Variants in CUX1 observed in about 807,000 individuals in gnomAD.
CUX1 encodes the protein cut like homeobox 1, also known as protein CASP.
In CUX1, 31 loss-of-function variants were observed where a neutral mutation model predicts 158.8. The observed-to-expected ratio is 0.20, with a 90% CI of 0.15 to 0.26. The LOEUF is 0.26. Ranked by LOEUF, CUX1 falls within the 10% of genes least tolerant of loss-of-function variation. CUX1 has a pLI of 1.00. For missense variants in CUX1, 1,589 were observed against 2,014.6 expected (o/e 0.79, Z 4.04); for synonymous variants, 879 against 862.1 (o/e 1.02, Z -0.34).
intron 14 of CUX1, among the ~76,000 whole-genome samples, chr7:102,269,572 A>AT (rs71123030): frequency 0.54 from 58,226 of 107,704 alleles, 15,309 homozygotes; most frequent in African/African-American, 0.69. Flanking sequence ...TGCCCGGCTA[A>AT]TTTTTTTTTT....
chr7:101,972,585 C>G (rs186265428), intron 2 of CUX1, among the ~76,000 whole-genome samples: 2 of 152,176 alleles, frequency 1.3e-5, no homozygotes, highest in Admixed American at 6.5e-5. Context: ...CCCTTTGCTC[C>G]TCCTTTTTGT....
intron 2 of CUX1, among the ~76,000 whole-genome samples, chr7:101,968,340 G>A (rs545764743): frequency 6.6e-6 from 1 of 152,262 alleles, no homozygotes; most frequent in East Asian, 1.9e-4. Flanking sequence ...TGGGTCCCCT[G>A]GACAACCCTC....
chr7:101,842,410 C>T (rs1177663813), intron 1 of CUX1, among the ~76,000 whole-genome samples: 1 of 152,168 alleles, frequency 6.6e-6, no homozygotes, highest in East Asian at 1.9e-4. Context: ...TTCTTTGAGA[C>T]AGAGTCTCGC....
intron 4 of CUX1, among the ~76,000 whole-genome samples, chr7:102,080,291 G>C (rs899374782): frequency 1.3e-5 from 2 of 152,180 alleles, no homozygotes; most frequent in African/African-American, 2.4e-5. Context: ...CCATGACCGG[G>C]GTGGTCCTGG....
At chr7:101,854,798 G>A (rs1390869227) in intron 1 of CUX1, among the ~76,000 whole-genome samples, 1 of 152,164 alleles carries the variant, frequency 6.6e-6, no homozygotes, top group African/African-American at 2.4e-5. Flanking sequence ...AGGCTGGAGT[G>A]CAGTGGCATC....
chr7:101,914,915 A>C (rs900038138), intron 1 of CUX1, among the ~76,000 whole-genome samples: 3 of 152,166 alleles, frequency 2.0e-5, no homozygotes, highest in African/African-American at 7.2e-5. Flanking sequence ...TTTGCTGGTT[A>C]ACTTCCGCCA....
In CUX1 at chr7:102,193,795, C is replaced by CT. The variant is rs1794517062; in HGVS notation, c.1077-46dup. 7 of 1,586,384 alleles carry CT rather than the reference C, an allele frequency of 4.4e-6. No homozygotes were observed. In the African/African-American group the frequency reaches 8.1e-5, roughly 18 times the overall value. On this transcript the variant is annotated intron_variant, in intron 12 of 23. Transcript: ENST00000292535. Reference sequence around the variant, plus strand: ...CTAGCCTGGGTGACAGAACGAGACTCTGTCTCAAAAAATAAATAAAATAAC... The same window carrying CT: ...CTAGCCTGGGTGACAGAACGAGACTCTTGTCTCAAAAAATAAATAAAATAAC...
chr7:101,979,062 T>C (rs1320730881), intron 2 of CUX1, among the ~76,000 whole-genome samples: 2 of 152,206 alleles, frequency 1.3e-5, no homozygotes, highest in African/African-American at 4.8e-5. Context: ...GTGCCTGCCC[T>C]ACCTTTAAAG....
chr7:102,005,028 C>T (rs963745051), intron 2 of CUX1, among the ~76,000 whole-genome samples: 10 of 152,224 alleles, frequency 6.6e-5, no homozygotes, highest in Admixed American at 6.5e-4. Context: ...AGCTTGCTGA[C>T]CCCTGGGAGA....
At chr7:102,091,746 A>G (rs1828603206) in intron 4 of CUX1, among the ~76,000 whole-genome samples, 1 of 152,078 alleles carries the variant, frequency 6.6e-6, no homozygotes, top group Non-Finnish European at 1.5e-5. Context: ...TTGAAGTACT[A>G]CAGTTTTGGT....
intron 1 of CUX1, among the ~76,000 whole-genome samples, chr7:101,836,684 CAAAAAAAAA>C (rs71755816): frequency 1.6e-3 from 122 of 77,832 alleles, no homozygotes; most frequent in African/African-American, 5.7e-3. Flanking sequence ...GACTCCTTCT[CAAAAAAAAA>C]AAAAAAAAAA....
At position 102,202,075 on chromosome 7, in the gene CUX1, G is replaced by A. The variant is rs573676893; in HGVS notation, c.2778G>A (p.Ser926=). Reference sequence around the variant, plus strand: ...CCATGTCCAAGCCCACCAAGCCCTCGGTCCCCCCGCTGACCCCCGAGCAGT... The same window carrying A: ...CCATGTCCAAGCCCACCAAGCCCTCAGTCCCCCCGCTGACCCCCGAGCAGT... ...IVPMSKPTKP[S]VPPLTPEQYE... is the part of the protein sequence containing the mutation. Residue 926 remains serine, a synonymous_variant, in exon 18 of 24, where the codon TCG becomes TCA. Transcript: ENST00000292535. The A allele has an allele frequency of 1.9e-5, 30 of 1,613,964 alleles. No individual in the cohort carries two copies. The highest frequency in any genetic ancestry group is 1.8e-4 in the South Asian group (16 of 91,064).
chr7:102,073,739 C>T (rs772786322), intron 4 of CUX1, among the ~76,000 whole-genome samples: 3 of 152,102 alleles, frequency 2.0e-5, no homozygotes, highest in Non-Finnish European at 4.4e-5. Context: ...TATTCATATT[C>T]TGCCTTTCTC....
chr7:101,862,812 G>A (rs1464914695), intron 1 of CUX1, among the ~76,000 whole-genome samples: 7 of 152,080 alleles, frequency 4.6e-5, no homozygotes, highest in African/African-American at 1.7e-4. Context: ...TTAGAGCTCA[G>A]AGAGGATAAA....
intron 6 of CUX1, among the ~76,000 whole-genome samples, chr7:102,108,771 T>TG (rs1554489271): frequency 6.6e-6 from 1 of 151,120 alleles, no homozygotes; most frequent in African/African-American, 2.4e-5. Context: ...TGTGTGTGTG[T>TG]TTTGAGACAA....
intron 9 of CUX1, among the ~76,000 whole-genome samples, chr7:102,162,467 C>G (rs942351539): frequency 1.3e-5 from 2 of 152,096 alleles, no homozygotes; most frequent in African/African-American, 2.4e-5. Context: ...CACAGCCTCC[C>G]GAGTAGCTGG....
At chr7:102,176,775 G>T (rs1301416580) in intron 10 of CUX1, among the ~76,000 whole-genome samples, 2 of 151,626 alleles carry the variant, frequency 1.3e-5, no homozygotes, top group African/African-American at 4.8e-5. Context: ...TTTTCGCCAT[G>T]TGGCCCAAGC....
At chr7:102,260,556 G>A (rs558145493), downstream of CUX1, among the ~76,000 whole-genome samples, 500 of 132,396 alleles carry the variant, frequency 3.8e-3, 1 homozygote, top group Non-Finnish European at 5.4e-3. Flanking sequence ...ATAGGTGCCC[G>A]CCACCACACC....
chr7:102,243,845 T>A (rs1352060465), intron 23 of CUX1, among the ~76,000 whole-genome samples: 1 of 151,600 alleles, frequency 6.6e-6, no homozygotes, highest in Non-Finnish European at 1.5e-5. Flanking sequence ...CTGGCCAACA[T>A]GGTGAAACCC....
Sources: allele counts gnomAD v4.1 joint callset (sites outside exome capture counted in the v4.1 genomes callset), GRCh38; gene constraint gnomAD v4.1.1; transcripts MANE v1.5; gene names NCBI Gene and HGNC (gene_info 2026-07-23, HGNC 2026-07-21).